Variants in ANKS1B observed in about 807,000 individuals in gnomAD.
The protein encoded by ANKS1B is ankyrin repeat and sterile alpha motif domain-containing protein 1B.
ANKS1B carries 36 observed loss-of-function variants against 148.3 expected under a neutral mutation model. That is an observed-to-expected ratio of 0.24 (90% CI 0.19 to 0.32). ANKS1B has a LOEUF of 0.32. ANKS1B is among the 10% of genes least tolerant of loss of function. The probability of loss-of-function intolerance (pLI) is 1.00; values close to 1 mark genes in which losing one functional copy is unlikely to be tolerated. For missense variants in ANKS1B, 1,157 were observed against 1,542.6 expected, an observed-to-expected ratio of 0.75 and a Z score of 4.19; for synonymous variants, 542 against 560.8, an observed-to-expected ratio of 0.97 and a Z score of 0.47.
chr12:98,738,064 T>G (rs1487245696), intron 9 of ANKS1B, among the ~76,000 whole-genome samples: 1 of 152,250 alleles, frequency 6.6e-6, no homozygotes, highest in East Asian at 1.9e-4. Context: ...AGTTTAACTA[T>G]AGAAGAATTA....
rs1211493863 is a variant in ANKS1B, at chr12:99,402,723, G to C, written c.1576-2912C>G. On this transcript the variant is annotated intron_variant, in intron 11 of 26. Transcript: ENST00000683438. ...ATTTTCTTTATCCAGTCTATCATTG[G>C]TGAGCATTGAGGTTGATTCCATGTC... 2.1e-5 allele frequency among the ~76,000 whole-genome samples: 3 copies of C among 146,140 alleles called. 1 individual carries two copies. Among genetic ancestry groups the C allele is most frequent in the Non-Finnish European group, 1.5e-5 (1 of 66,182 alleles).
At chr12:99,239,782 A>T (rs899364771) in intron 14 of ANKS1B, among the ~76,000 whole-genome samples, 1 of 152,212 alleles carries the variant, frequency 6.6e-6, no homozygotes, top group Non-Finnish European at 1.5e-5. Context: ...TAAAGAAAAG[A>T]ATTTTCAACC....
intron 8 of ANKS1B, among the ~76,000 whole-genome samples, chr12:99,742,127 G>A (rs1268292494): frequency 6.6e-6 from 1 of 151,154 alleles, no homozygotes; most frequent in Admixed American, 6.6e-5. Context: ...AGGAAGGAGA[G>A]GATCAGGAAA....
At chr12:99,647,609 G>A (rs925572159) in intron 9 of ANKS1B, 24 of 156,512 alleles carry the variant, frequency 1.5e-4, no homozygotes, top group South Asian at 1.1e-3. Flanking sequence ...GCTGTGGAGG[G>A]CGGTGGGGCT....
chr12:99,900,729 A>T (rs2093570895), intron 1 of ANKS1B, among the ~76,000 whole-genome samples: 1 of 152,210 alleles, frequency 6.6e-6, no homozygotes, highest in African/African-American at 2.4e-5. Flanking sequence ...ACAGTCACCA[A>T]GAGGCAGAGC....
chr12:99,898,369 T>C (rs1218597090), intron 1 of ANKS1B, among the ~76,000 whole-genome samples: 1 of 152,100 alleles, frequency 6.6e-6, no homozygotes, highest in Admixed American at 6.5e-5. Flanking sequence ...TCTCTGACAC[T>C]CTCTAATGCT....
At chr12:98,999,568 T>G (rs573287962) in intron 17 of ANKS1B, among the ~76,000 whole-genome samples, 1 of 152,350 alleles carries the variant, frequency 6.6e-6, no homozygotes, top group East Asian at 1.9e-4. Flanking sequence ...TAGTAAACCC[T>G]GATTCTAGGC....
chr12:99,322,181 A>C (rs1347697632), intron 12 of ANKS1B, among the ~76,000 whole-genome samples: 1 of 152,220 alleles, frequency 6.6e-6, no homozygotes, highest in African/African-American at 2.4e-5. Context: ...CAGCCATAAA[A>C]AAATGAGACT....
At chr12:99,510,119 C>A (rs1305508544) in intron 9 of ANKS1B, among the ~76,000 whole-genome samples, 1 of 151,954 alleles carries the variant, frequency 6.6e-6, no homozygotes, top group Admixed American at 6.6e-5. Context: ...CAAAATATTA[C>A]TATTCATTGA....
chr12:99,500,442 T>C (rs2096644366), intron 10 of ANKS1B, among the ~76,000 whole-genome samples: 1 of 152,170 alleles, frequency 6.6e-6, no homozygotes, highest in Non-Finnish European at 1.5e-5. Flanking sequence ...CTTTCAGCCA[T>C]ATGAGCTGGC....
At chr12:99,799,368 C>T (rs1294608801) in intron 4 of ANKS1B, among the ~76,000 whole-genome samples, 1 of 152,088 alleles carries the variant, frequency 6.6e-6, no homozygotes, top group Non-Finnish European at 1.5e-5. Flanking sequence ...AAGTTAGCCT[C>T]ATTTAAGGAG....
At chr12:98,865,228 G>T (rs35294565) in intron 17 of ANKS1B, among the ~76,000 whole-genome samples, 1 of 151,902 alleles carries the variant, frequency 6.6e-6, no homozygotes, top group Non-Finnish European at 1.5e-5. Flanking sequence ...TCAGACTCTC[G>T]ATCTTATTGC....
intron 1 of ANKS1B, among the ~76,000 whole-genome samples, chr12:99,863,109 T>G (rs2090253445): frequency 6.6e-6 from 1 of 152,178 alleles, no homozygotes; most frequent in African/African-American, 2.4e-5. Context: ...GACCTTAAGA[T>G]GGTGACTGTT....
At chr12:98,783,401 G>A (rs1431256133) in intron 22 of ANKS1B, among the ~76,000 whole-genome samples, 5 of 152,174 alleles carry the variant, frequency 3.3e-5, no homozygotes, top group African/African-American at 9.7e-5. Context: ...AGGACGAGGC[G>A]GCCCAGGGGC....
At chr12:99,944,746 T>C (rs1195525156) in intron 1 of ANKS1B, among the ~76,000 whole-genome samples, 1 of 152,130 alleles carries the variant, frequency 6.6e-6, no homozygotes, top group Non-Finnish European at 1.5e-5. Flanking sequence ...TTGTAGTCCT[T>C]TGAGAATGAT....
chr12:98,868,191 A>G (rs1345730531), intron 17 of ANKS1B, among the ~76,000 whole-genome samples: 1 of 152,090 alleles, frequency 6.6e-6, no homozygotes, highest in Non-Finnish European at 1.5e-5. Flanking sequence ...ACTCAAATAG[A>G]TAAAAACCCG....
intron 14 of ANKS1B, among the ~76,000 whole-genome samples, chr12:99,237,981 G>A (rs1478290803): frequency 1.3e-5 from 2 of 152,180 alleles, no homozygotes; most frequent in Admixed American, 6.5e-5. Context: ...CAGTGAGATC[G>A]ATGCAGAAGA....
chr12:98,849,450 G>C (rs1472338669), intron 17 of ANKS1B, among the ~76,000 whole-genome samples: 4 of 152,138 alleles, frequency 2.6e-5, no homozygotes, highest in Non-Finnish European at 5.9e-5. Flanking sequence ...TGGGAGAAAA[G>C]AGATGCCACC....
At chr12:99,572,981 T>A (rs2097477069) in intron 9 of ANKS1B, among the ~76,000 whole-genome samples, 1 of 152,128 alleles carries the variant, frequency 6.6e-6, no homozygotes. Context: ...TTCATTATTA[T>A]CATCTCCATT....
Sources: allele counts gnomAD v4.1 joint callset (sites outside exome capture counted in the v4.1 genomes callset), GRCh38; gene constraint gnomAD v4.1.1; transcripts MANE v1.5; gene names NCBI Gene and HGNC (gene_info 2026-07-23, HGNC 2026-07-21).